Variants in PREX2 observed in about 807,000 individuals in gnomAD.
PREX2 encodes the protein phosphatidylinositol 3,4,5-trisphosphate-dependent Rac exchanger 2 protein.
A neutral mutation model predicts 203.2 loss-of-function variants in PREX2; 107 were observed. The ratio of observed to expected loss-of-function variants is 0.53; its 90% CI spans 0.45 to 0.62. The LOEUF is 0.62. PREX2 is among the 20% of genes least tolerant of loss of function. The pLI is 0.00. For synonymous variants in PREX2, 672 were observed against 663.6 expected, an observed-to-expected ratio of 1.01 and a Z score of -0.19; for missense variants, 1,777 against 1,955.9, an observed-to-expected ratio of 0.91 and a Z score of 1.72.
chr8:68,086,608 T>G (rs550064283), intron 18 of PREX2, among the ~76,000 whole-genome samples: 5 of 152,344 alleles, frequency 3.3e-5, no homozygotes, highest in Non-Finnish European at 7.3e-5. Flanking sequence ...CCCTCGCATC[T>G]TGCACTCTCT....
intron 26 of PREX2, 84 bp from the exon 27 acceptor site, chr8:68,118,466 C>T: frequency 1.3e-6 from 1 of 783,346 alleles, no homozygotes; most frequent in South Asian, 1.6e-5. Flanking sequence ...ATAAATATAA[C>T]TGATATAAGT....
intron 1 of PREX2, among the ~76,000 whole-genome samples, chr8:67,986,370 G>A (rs763522118): frequency 7.2e-5 from 11 of 152,090 alleles, no homozygotes; most frequent in Non-Finnish European, 1.6e-4. Context: ...TGGAGTTCCT[G>A]CTCTTGGCCA....
chr8:68,044,693 C>A, intron 8 of PREX2, 103 bp downstream of exon 8: 1 of 776,582 alleles, frequency 1.3e-6, no homozygotes, highest in Non-Finnish European at 2.2e-6. Flanking sequence ...TGTATTAGAG[C>A]TTAGAAATAC....
At chr8:68,144,930 A>T (rs548944890) in intron 33 of PREX2, among the ~76,000 whole-genome samples, 8 of 152,312 alleles carry the variant, frequency 5.3e-5, no homozygotes, top group Admixed American at 1.3e-4. Context: ...TCTTTCAATA[A>T]CATTATCCAT....
At chr8:68,086,999 T>C (rs910108604) in intron 18 of PREX2, among the ~76,000 whole-genome samples, 2 of 152,224 alleles carry the variant, frequency 1.3e-5, no homozygotes, top group Non-Finnish European at 2.9e-5. Context: ...AAGAATTTCA[T>C]AGGTCCCTCA....
At chr8:67,975,362 A>G (rs1806048865) in intron 1 of PREX2, among the ~76,000 whole-genome samples, 1 of 144,232 alleles carries the variant, frequency 6.9e-6, no homozygotes, top group Admixed American at 7.3e-5. Flanking sequence ...TGTAGGCAGG[A>G]ACTGGGCCTT....
At chr8:68,038,458 A>T (rs892822847) in intron 7 of PREX2, among the ~76,000 whole-genome samples, 166 bp downstream of exon 7, 4 of 152,112 alleles carry the variant, frequency 2.6e-5, no homozygotes, top group African/African-American at 9.7e-5. Flanking sequence ...CAGTCTGCTC[A>T]CTGGTTGTTC....
At chr8:68,081,943 C>T (rs1236179564) in intron 17 of PREX2, among the ~76,000 whole-genome samples, 2 of 151,856 alleles carry the variant, frequency 1.3e-5, no homozygotes, top group African/African-American at 2.4e-5. Context: ...GTGATCTGCC[C>T]ACCTCAGCCT....
At chr8:67,964,765 T>C (rs1805721952) in intron 1 of PREX2, among the ~76,000 whole-genome samples, 1 of 152,204 alleles carries the variant, frequency 6.6e-6, no homozygotes, top group Admixed American at 6.5e-5. Flanking sequence ...TATGTGTTTC[T>C]TATGTGTTAG....
At chr8:68,008,472 A>G (rs1360988356) in intron 1 of PREX2, among the ~76,000 whole-genome samples, 2 of 152,210 alleles carry the variant, frequency 1.3e-5, no homozygotes, top group Non-Finnish European at 2.9e-5. Flanking sequence ...AGAAAGGGCC[A>G]TAGGATACTG....
intron 19 of PREX2, among the ~76,000 whole-genome samples, chr8:68,088,913 T>G (rs184031843): frequency 9.0e-4 from 137 of 152,324 alleles, no homozygotes; most frequent in African/African-American, 3.2e-3. Flanking sequence ...GGTTCTATCT[T>G]TGGAGCTTAG....
chr8:68,142,600 G>A (rs1417873715), intron 33 of PREX2, among the ~76,000 whole-genome samples: 1 of 152,116 alleles, frequency 6.6e-6, no homozygotes, highest in Admixed American at 6.6e-5. Context: ...ACATGTGCAG[G>A]TTTTTCTGTG....
chr8:68,094,038 G>C (rs923171620), intron 21 of PREX2, among the ~76,000 whole-genome samples: 4 of 152,326 alleles, frequency 2.6e-5, no homozygotes, highest in Admixed American at 6.5e-5. Flanking sequence ...TAAGGGACTT[G>C]CTCAAACTAG....
At chr8:68,041,302 C>T (rs1808190241) in intron 7 of PREX2, among the ~76,000 whole-genome samples, 1 of 152,124 alleles carries the variant, frequency 6.6e-6, no homozygotes, top group African/African-American at 2.4e-5. Context: ...GAGAGTTATT[C>T]TTCGTCTCTT....
chr8:67,975,422 A>G (rs891701685), intron 1 of PREX2, among the ~76,000 whole-genome samples: 3 of 151,854 alleles, frequency 2.0e-5, no homozygotes, highest in African/African-American at 7.3e-5. Context: ...TGCCAGGCCT[A>G]TAGTGAACCT....
At chr8:68,016,404 A>C (rs554447843) in intron 1 of PREX2, among the ~76,000 whole-genome samples, 10 of 152,286 alleles carry the variant, frequency 6.6e-5, no homozygotes, top group South Asian at 2.1e-4. Context: ...AGTTTTCATT[A>C]CATTCCATTT....
chr8:68,120,061 A>G (rs1455970936), intron 28 of PREX2, 135 bp from the exon 29 acceptor site: 4 of 548,462 alleles, frequency 7.3e-6, no homozygotes, highest in Non-Finnish European at 1.3e-5. Flanking sequence ...TTATGTAAAG[A>G]TCGATTTCAC....
intron 39 of PREX2, among the ~76,000 whole-genome samples, chr8:68,227,136 T>G (rs1009129730): frequency 1.3e-5 from 2 of 152,206 alleles, no homozygotes; most frequent in African/African-American, 4.8e-5. Context: ...ATTTGAATTT[T>G]AGAATTTATC....
At chr8:68,015,768 A>G (rs1363637230) in intron 1 of PREX2, among the ~76,000 whole-genome samples, 1 of 152,234 alleles carries the variant, frequency 6.6e-6, no homozygotes, top group African/African-American at 2.4e-5. Flanking sequence ...CAAGAAAAAC[A>G]AAACTAAAGC....
Sources: gnomAD v4.1 joint callset for allele counts (sites outside exome capture counted in the v4.1 genomes callset) on GRCh38, gnomAD v4.1.1 for gene constraint, MANE v1.5 for transcripts, NCBI Gene and HGNC (gene_info 2026-07-23, HGNC 2026-07-21) for gene names.